TMEM131L: variants seen among roughly 807,000 people sequenced by gnomAD.
TMEM131L encodes the protein transmembrane 131 like.
Under a neutral mutation model 192.2 loss-of-function variants are expected in TMEM131L, and 54 were observed. The observed-to-expected ratio is 0.28, with a 90% CI of 0.23 to 0.35. TMEM131L has a LOEUF of 0.35. TMEM131L is among the 10% of genes least tolerant of loss of function. The pLI, the probability that TMEM131L is intolerant of heterozygous loss-of-function variation, is 1.00. For synonymous variants in TMEM131L, 701 were observed against 704.9 expected (o/e 0.99, Z 0.09); for missense variants, 1,888 against 1,972.9 (o/e 0.96, Z 0.82).
chr4:153,467,370 C>A, intron 2 of TMEM131L, 89 bp downstream of exon 2: 1 of 1,138,414 alleles, frequency 8.8e-7, no homozygotes, highest in South Asian at 1.3e-5. Context: ...CCTGTCCAAG[C>A]GGCACAGGCG....
At chr4:153,502,502 A>G (rs1045684345) in intron 3 of TMEM131L, among the ~76,000 whole-genome samples, 5 of 152,232 alleles carry the variant, frequency 3.3e-5, no homozygotes, top group African/African-American at 9.6e-5. Context: ...ACGAAGGATC[A>G]TTGATATATT....
At position 153,481,138 on chromosome 4, in the gene TMEM131L, C is replaced by T. The variant is rs1471907930; in HGVS notation, c.239+7250C>T. 2.0e-5 allele frequency among the ~76,000 whole-genome samples: 3 copies of T among 152,272 alleles called. No individual in the cohort carries two copies. In the East Asian group the frequency reaches 5.8e-4, roughly 29 times the overall value. On this transcript the variant is annotated intron_variant, in intron 3 of 34. Transcript: ENST00000409959. ...CCAGTCTCACTTTCTGATCATTCACCTGGGCTCTCTTTTTTTGCCAAAACA... is the reference window on the plus strand; with the variant it reads ...CCAGTCTCACTTTCTGATCATTCACTTGGGCTCTCTTTTTTTGCCAAAACA...
intron 21 of TMEM131L, among the ~76,000 whole-genome samples, chr4:153,600,607 C>T (rs1366057863): frequency 6.6e-6 from 1 of 152,108 alleles, no homozygotes; most frequent in East Asian, 1.9e-4. Context: ...CAGAAATAAA[C>T]AATGTAAAAT....
intron 25 of TMEM131L, among the ~76,000 whole-genome samples, chr4:153,607,731 C>T (rs1732336699): frequency 6.6e-6 from 1 of 152,158 alleles, no homozygotes; most frequent in East Asian, 1.9e-4. Flanking sequence ...CCCCCCACCC[C>T]CGGGTGTAGC....
intron 5 of TMEM131L, among the ~76,000 whole-genome samples, chr4:153,556,709 G>C (rs1353256508): frequency 6.6e-6 from 1 of 152,156 alleles, no homozygotes; most frequent in Non-Finnish European, 1.5e-5. Context: ...GAAGAGGAGG[G>C]GAAGGAAAGA....
At chr4:153,521,714 A>T (rs1735125502) in intron 3 of TMEM131L, among the ~76,000 whole-genome samples, 1 of 150,060 alleles carries the variant, frequency 6.7e-6, no homozygotes, top group Non-Finnish European at 1.5e-5. Flanking sequence ...CGTAGCACCC[A>T]CCCTTTTACT....
At chr4:153,530,688 G>A (rs947447669) in intron 3 of TMEM131L, among the ~76,000 whole-genome samples, 1 of 152,118 alleles carries the variant, frequency 6.6e-6, no homozygotes, top group Non-Finnish European at 1.5e-5. Flanking sequence ...GAGTGATTTC[G>A]TCCCACTGTT....
intron 11 of TMEM131L, among the ~76,000 whole-genome samples, 159 bp from the exon 12 acceptor site, chr4:153,584,674 CAG>C (rs764822991): frequency 5.9e-5 from 9 of 152,216 alleles, no homozygotes; most frequent in Non-Finnish European, 1.2e-4. Context: ...AAGAAGATGA[CAG>C]GAACATTTGA....
At chr4:153,522,886 G>A (rs769157040) in intron 3 of TMEM131L, among the ~76,000 whole-genome samples, 2 of 152,130 alleles carry the variant, frequency 1.3e-5, no homozygotes, top group Non-Finnish European at 2.9e-5. Flanking sequence ...TTGAGCAATG[G>A]GTTGCTTGAA....
chr4:153,627,093 T>C (rs73856939), intron 30 of TMEM131L, among the ~76,000 whole-genome samples: 12,616 of 152,106 alleles, frequency 0.083, 1,603 homozygotes, highest in African/African-American at 0.28. Context: ...GGTGAGTTTG[T>C]GAGGAAGGAA....
intron 26 of TMEM131L, 101 bp from the exon 27 acceptor site, chr4:153,620,655 T>G (rs769061506): frequency 5.8e-6 from 4 of 691,316 alleles, no homozygotes; most frequent in Non-Finnish European, 9.1e-6. Context: ...TCAACAGCAC[T>G]GGGACATTCT....
intron 3 of TMEM131L, among the ~76,000 whole-genome samples, chr4:153,481,785 G>A (rs1227923504): frequency 2.6e-5 from 4 of 152,124 alleles, no homozygotes; most frequent in African/African-American, 7.2e-5. Flanking sequence ...TGATCCACCC[G>A]CCTTAGCCTC....
intron 7 of TMEM131L, 107 bp from the exon 8 acceptor site, chr4:153,580,719 G>T: frequency 1.5e-6 from 1 of 654,872 alleles, no homozygotes; most frequent in Non-Finnish European, 2.7e-6. Context: ...GATATTTATT[G>T]AATAAATGAA....
intron 7 of TMEM131L, among the ~76,000 whole-genome samples, chr4:153,576,391 A>G (rs1233109959): frequency 6.6e-6 from 1 of 152,258 alleles, no homozygotes; most frequent in Non-Finnish European, 1.5e-5. Context: ...GTCCTACAAC[A>G]AAAGAAACAA....
intron 3 of TMEM131L, among the ~76,000 whole-genome samples, chr4:153,477,649 A>T (rs1301101350): frequency 1.3e-5 from 2 of 152,230 alleles, no homozygotes. Context: ...ATATACATGG[A>T]TGTATGAATA....
At chr4:153,467,344 C>A (rs955479810) in intron 2 of TMEM131L, 63 bp downstream of exon 2, 2 of 1,361,608 alleles carry the variant, frequency 1.5e-6, no homozygotes, top group African/African-American at 2.9e-5. Flanking sequence ...GGGGAGGCCC[C>A]CGGTCCTCCC....
intron 9 of TMEM131L, among the ~76,000 whole-genome samples, 168 bp downstream of exon 9, chr4:153,581,728 G>C (rs1234083431): frequency 6.6e-6 from 1 of 152,192 alleles, no homozygotes; most frequent in East Asian, 1.9e-4. Context: ...TGCTAAGAAG[G>C]CTGTATTATT....
intron 25 of TMEM131L, among the ~76,000 whole-genome samples, chr4:153,605,330 C>T (rs1732148620): frequency 6.6e-6 from 1 of 152,152 alleles, no homozygotes; most frequent in Non-Finnish European, 1.5e-5. Context: ...CCACCCTGAC[C>T]ATTTGAATAT....
chr4:153,551,773 G>A (rs1737643153), intron 4 of TMEM131L, among the ~76,000 whole-genome samples: 1 of 152,074 alleles, frequency 6.6e-6, no homozygotes, highest in African/African-American at 2.4e-5. Flanking sequence ...GTTTTTTTGA[G>A]TTTTTATATT....
Sources: allele counts gnomAD v4.1 joint callset (sites outside exome capture counted in the v4.1 genomes callset), GRCh38; gene constraint gnomAD v4.1.1; transcripts MANE v1.5; gene names NCBI Gene and HGNC (gene_info 2026-07-23, HGNC 2026-07-21).